Variants in WIZ observed in about 807,000 individuals in gnomAD.
WIZ encodes protein Wiz.
In WIZ, 25 loss-of-function variants were observed where a neutral mutation model predicts 140.2. The observed-to-expected ratio is 0.18, with a 90% CI of 0.13 to 0.25. The LOEUF is 0.25. WIZ is among the 10% of genes least tolerant of loss of function. The pLI, the probability that WIZ is intolerant of heterozygous loss-of-function variation, is 1.00. For synonymous variants in WIZ, 1,125 were observed against 1,154.3 expected, an observed-to-expected ratio of 0.97 and a Z score of 0.51; for missense variants, 2,231 against 2,632.6, an observed-to-expected ratio of 0.85 and a Z score of 3.34.
Position 15,448,142 on chromosome 19 carries a change from C to A in WIZ, c.166G>T (p.Gly56Cys). The stretch of plus-strand genomic sequence containing the variant: ...CTGCCATCCAGAATGTCTCGGGGGC[C>A]CTCCTTGGTGACAGGCAGGTAACGG... ...STRYLPVTKE[G>C]PRDILDGRGG... Residue 56 changes from glycine to cysteine, a missense_variant, in exon 2 of 13, where the codon GGC becomes TGC. Gly to Cys is a radical substitution (Grantham distance 159). This residue lies in a region of WIZ where 85 missense variants were observed against 90.9 expected (regional missense o/e 0.94). Coordinates refer to ENST00000673675, the MANE Select transcript of WIZ (RefSeq NM_001371589.1). 2 of 1,612,852 alleles carry A rather than the reference C, an allele frequency of 1.2e-6. No homozygotes were observed. The highest frequency in any genetic ancestry group is 1.7e-6 in the Non-Finnish European group (2 of 1,179,278).
At position 15,438,848 on chromosome 19, in the gene WIZ, G is replaced by A. The variant is rs1214247265; in HGVS notation, c.2146C>T (p.Pro716Ser). ...GCGTCCAGGAGCAGGAAGTCCAGGG[G>A]GTGGGCGCCTGCCAGCCCCAGCTCC... ...PEELGLAGAHPLDFLLLDAPL... is the reference protein window; with the variant it reads ...PEELGLAGAHSLDFLLLDAPL... The change falls in exon 4 of 13, where the codon CCC becomes TCC. Residue 716 changes from proline to serine, a missense_variant. Transcript: ENST00000673675. 1.4e-6 allele frequency: 2 copies of A among 1,479,386 alleles called. No homozygotes were observed. Among genetic ancestry groups the A allele is most frequent in the Non-Finnish European group, 1.8e-6 (2 of 1,113,630 alleles). 91.6% of individuals were successfully genotyped at this position (1,479,386 alleles called of 1,614,324 possible).
chr19:15,427,202 C>T lies in WIZ; in HGVS notation c.4146G>A (p.Pro1382=), dbSNP rs563551111. The change falls in exon 9 of 13, where the codon CCG becomes CCA. Residue 1382 remains proline, a synonymous_variant. Coordinates refer to ENST00000673675, the MANE Select transcript of WIZ (RefSeq NM_001371589.1). This position sits in a 1 kb window ranked among gnomAD's most constrained non-coding sequence, Gnocchi z 6.4. ...TTGGTGAGTGGCCCAGGGGGCTGCC[C>T]GGTGGTGGTGGCAACTTCTTGGCCA... The part of the protein sequence containing the change: ...SPLAKKLPPP[P]GSPLGHSPTA... The T allele has an allele frequency of 1.7e-5, 28 of 1,614,102 alleles. No homozygotes were observed. Among genetic ancestry groups the T allele is most frequent in the Admixed American group, 1.2e-4 (7 of 60,022 alleles).
At position 15,424,855 on chromosome 19, in the gene WIZ, C is replaced by T. The variant is rs779477343; in HGVS notation, c.5072G>A (p.Arg1691His). Residue 1691 changes from arginine to histidine, a missense_variant, in exon 11 of 13, where the codon CGC (arginine) becomes CAC (histidine). Around this residue, in one of 15 missense-constraint regions of WIZ, gnomAD observed 299 missense variants for 309.6 expected, o/e 0.97. Transcript: ENST00000673675. The surrounding 1 kb of genome is among the most constrained non-coding windows in gnomAD (Gnocchi z 9.7). Reference sequence around the variant, plus strand: ...GGGGCGGCCGCCCTGGATGTAGCTGCGGTAGGCGCCCACCTTCTGGGGCCG... The same window carrying T: ...GGGGCGGCCGCCCTGGATGTAGCTGTGGTAGGCGCCCACCTTCTGGGGCCG... ...KHRPQKVGAYRSYIQGGRPFT... is the reference protein window; with the variant it reads ...KHRPQKVGAYHSYIQGGRPFT... The T allele has an allele frequency of 1.9e-6, 3 of 1,610,894 alleles. No individual in the cohort carries two copies. The highest frequency in any genetic ancestry group is 1.1e-5 in the South Asian group (1 of 90,568).
intron 5 of WIZ, chr19:15,433,388 T>C (rs1969390853): frequency 1.0e-6 from 1 of 982,574 alleles, no homozygotes; most frequent in Non-Finnish European, 1.2e-6. Flanking sequence ...TCCTGCCCAC[T>C]TAGGGAGAGG....
At chr19:15,429,159 T>C (rs995716466) in intron 7 of WIZ, among the ~76,000 whole-genome samples, 2 of 152,138 alleles carry the variant, frequency 1.3e-5, no homozygotes, top group Non-Finnish European at 2.9e-5. Context: ...GAAGACTTGA[T>C]GACAGGACCA....
At position 15,439,160 on chromosome 19, in the gene WIZ, G is replaced by A; in HGVS notation, c.1834C>T (p.Pro612Ser). Residue 612 changes from proline to serine, a missense_variant, in exon 4 of 13, where the codon CCT (proline) becomes TCT (serine). Physicochemically the swap from Pro to Ser is moderately conservative, Grantham distance 74. Around this residue, in one of 15 missense-constraint regions of WIZ, gnomAD observed 475 missense variants for 520.2 expected, o/e 0.91. Coordinates refer to ENST00000673675, the MANE Select transcript of WIZ (RefSeq NM_001371589.1). This position sits in a 1 kb window ranked among gnomAD's most constrained non-coding sequence, Gnocchi z 7.0. The part of the protein sequence containing the change: ...HPQGLGERRR[P>S]WSEEEEEEEE... Reference sequence around the variant, plus strand: ...TCCTCCTCCTCCTCTTCGCTCCAAGGGCGCCTCCGTTCCCCCAGCCCTTGT... The same window carrying A: ...TCCTCCTCCTCCTCTTCGCTCCAAGAGCGCCTCCGTTCCCCCAGCCCTTGT... 6.5e-7 allele frequency: 1 copy of A among 1,530,962 alleles called. No individual in the cohort carries two copies. Among genetic ancestry groups the A allele is most frequent in the Non-Finnish European group, 8.7e-7 (1 of 1,143,804 alleles). 94.8% of individuals were successfully genotyped at this position (1,530,962 alleles called of 1,614,324 possible).
At position 15,448,221 on chromosome 19, in the gene WIZ, G is replaced by A. The variant is rs765526564; in HGVS notation, c.87C>T (p.Asn29=). ...CAGCAGCTTCGGCCCCACCCTCGAT[G>A]TTCTCCCTTGGCGCCGGGCCAGGCA... is the stretch of plus-strand genomic sequence containing the variant. ...ERLPGPAPRE[N]IEGGAEAAEG... The change falls in exon 2 of 13, where the codon AAC becomes AAT. Residue 29 remains asparagine, a synonymous_variant. Transcript: ENST00000673675. 47 of 1,613,278 alleles carry A rather than the reference G, an allele frequency of 2.9e-5. No individual in the cohort carries two copies. In the East Asian group the frequency reaches 6.0e-4, roughly 21 times the overall value.
In WIZ at chr19:15,425,304, T is replaced by A. The variant is rs1250174320; in HGVS notation, c.4831A>T (p.Thr1611Ser). The change falls in exon 10 of 13, where the codon ACC becomes TCC. Residue 1611 changes from threonine (T) to serine (S), a missense_variant. Thr to Ser is a moderately conservative substitution (Grantham distance 58). Around this residue, in one of 15 missense-constraint regions of WIZ, gnomAD observed 393 missense variants for 451.7 expected, o/e 0.87. Transcript: ENST00000673675. ...RLLPAEVKAKTYIQTELPFKA... is the reference protein window; with the variant it reads ...RLLPAEVKAKSYIQTELPFKA... ...AAGGGCAGTTCAGTCTGGATGTAGG[T>A]CTTGGCCTTGACCTCTGCTGGGAGG... 2.5e-6 allele frequency: 4 copies of A among 1,587,668 alleles called. No individual in the cohort carries two copies. In the Admixed American group the frequency reaches 7.1e-5, roughly 28 times the overall value.
chr19:15,425,793 A>AAGG (rs753722714), intron 9 of WIZ, 25 bp from the exon 10 acceptor site: 12 of 1,050,896 alleles, frequency 1.1e-5, no homozygotes, highest in African/African-American at 2.8e-5. Context: ...GGGTAGGGGG[A>AAGG]AGGAGGAGGA....
chr19:15,429,878 G>C lies in WIZ; in HGVS notation c.3123C>G (p.Ser1041Arg). The C allele has an allele frequency of 6.5e-7, 1 of 1,535,444 alleles. No individual in the cohort carries two copies. Among genetic ancestry groups the C allele is most frequent in the Non-Finnish European group, 8.7e-7 (1 of 1,146,518 alleles). ...GLPPGLAKKS[S>R]SLKEVVAGAP... ...CCCCGGCGACCACCTCCTTCAGTGA[G>C]CTGGACTTCTTAGCCAGGCCTGGGG... Residue 1041 changes from serine (S) to arginine (R), a missense_variant, in exon 7 of 13, where the codon AGC becomes AGG. This residue lies in a region of WIZ where 163 missense variants were observed against 166.8 expected (regional missense o/e 0.98). Coordinates refer to ENST00000673675, the MANE Select transcript of WIZ (RefSeq NM_001371589.1).
At chr19:15,429,084 G>A (rs1351102712) in intron 7 of WIZ, among the ~76,000 whole-genome samples, 4 of 152,306 alleles carry the variant, frequency 2.6e-5, no homozygotes, top group African/African-American at 9.6e-5. Context: ...GTGCCCACAG[G>A]CAGCCCAGGA....
intron 9 of WIZ, among the ~76,000 whole-genome samples, chr19:15,426,748 C>A (rs1968849152): frequency 6.6e-6 from 1 of 152,228 alleles, no homozygotes; most frequent in Non-Finnish European, 1.5e-5. Flanking sequence ...GAGATGGAAT[C>A]TTTCTGCTGT....
In WIZ at chr19:15,438,655, T is replaced by G. The variant is rs779044796; in HGVS notation, c.2339A>C (p.Asn780Thr). The G allele has an allele frequency of 9.1e-6, 14 of 1,535,856 alleles. No homozygotes were observed. ...GHLNRVGVSYNVRHFISAEEV... is the reference protein window; with the variant it reads ...GHLNRVGVSYTVRHFISAEEV... ...CTCAGCGGAGATGAAATGGCGCACA[T>G]TGTAGCTGACGCCCACGCGGTTCAG... Residue 780 changes from asparagine (N) to threonine (T), a missense_variant, in exon 4 of 13, where the codon AAT (asparagine) becomes ACT (threonine). Coordinates refer to ENST00000673675, the MANE Select transcript of WIZ (RefSeq NM_001371589.1).
chr19:15,425,128 C>T, intron 10 of WIZ, 96 bp from the exon 11 acceptor site: 2 of 1,517,744 alleles, frequency 1.3e-6, no homozygotes, highest in Non-Finnish European at 1.8e-6. Context: ...CCGCCTCCCA[C>T]ACAGACCCAG....
chr19:15,435,149 C>T (rs973778378), intron 5 of WIZ, among the ~76,000 whole-genome samples: 2 of 151,682 alleles, frequency 1.3e-5, no homozygotes, highest in Admixed American at 6.6e-5. Flanking sequence ...ACCTGGGCAG[C>T]GGAGGCTGCA....
At position 15,436,878 on chromosome 19, in the gene WIZ, G is replaced by C. The variant is rs779280796; in HGVS notation, c.2668C>G (p.Arg890Gly). 5.0e-6 allele frequency: 8 copies of C among 1,612,816 alleles called. No individual in the cohort carries two copies. The South Asian group carries it at 8.8e-5, about 18-fold the overall frequency. Residue 890 changes from arginine (R) to glycine (G), a missense_variant, in exon 5 of 13, where the codon CGG becomes GGG. Arg to Gly is a moderately radical substitution (Grantham distance 125). This residue lies in a region of WIZ where 137 missense variants were observed against 135.8 expected (regional missense o/e 1.01). Transcript: ENST00000673675. ...GGCACCGTGAGAGGTAAGCGGGGCC[G>C]ACGGGAGGTCAGGAAGCTGCCAGGC... ...GPPGSFLTSR[R>G]PRLPLTVPFP...
rs867566903 is a variant in WIZ, at chr19:15,432,318, G to C, written c.2741-1136C>G. The C allele has an allele frequency of 1.6e-5, 8 of 485,590 alleles. No homozygotes were observed. In the South Asian group the frequency reaches 3.5e-4, roughly 21 times the overall value. 30.1% of individuals were successfully genotyped at this position (485,590 alleles called of 1,614,324 possible). ...AAGGCCCTGGGCCCACACAACTAAA[G>C]GGCCTGGGGGAGGGGGGGGTCCCGC... On this transcript the variant is annotated intron_variant, in intron 5 of 12. Transcript: ENST00000673675.
chr19:15,440,587 C>T lies in WIZ; in HGVS notation c.407G>A (p.Gly136Asp), dbSNP rs1426187055. 1 of 1,536,148 alleles carries T rather than the reference C, an allele frequency of 6.5e-7. No homozygotes were observed. Among genetic ancestry groups the T allele is most frequent in the East Asian group, 2.4e-5 (1 of 40,916 alleles). The change falls in exon 4 of 13, where the codon GGC (glycine) becomes GAC (aspartate). Residue 136 changes from glycine (G) to aspartate (D), a missense_variant. By Grantham distance (94) the Gly-to-Asp change is moderately conservative. Coordinates refer to ENST00000673675, the MANE Select transcript of WIZ (RefSeq NM_001371589.1). The surrounding 1 kb of genome is among the most constrained non-coding windows in gnomAD (Gnocchi z 6.2). ...EHPLVQEAGE[G>D]ILSERRFEDS... The stretch of plus-strand genomic sequence containing the variant: ...CTCGAATCTCCGCTCAGATAGGATG[C>T]CCTCCCCAGCCTCCTGGACAAGGGG...
intron 5 of WIZ, among the ~76,000 whole-genome samples, chr19:15,432,218 T>C (rs1387091918): frequency 6.6e-6 from 1 of 151,446 alleles, no homozygotes; most frequent in Non-Finnish European, 1.5e-5. Context: ...AAGGGACATC[T>C]GTCAGACGGG....
Sources: allele counts gnomAD v4.1 joint callset (sites outside exome capture counted in the v4.1 genomes callset), GRCh38; gene constraint gnomAD v4.1.1; regional missense constraint gnomAD v4.1.1; non-coding constraint Gnocchi (gnomAD v3.1); transcripts MANE v1.5; gene names NCBI Gene and HGNC (gene_info 2026-07-23, HGNC 2026-07-21).